The following PLXNA4 variants were observed in gnomAD, a reference collection of about 807,000 sequenced individuals.
PLXNA4 encodes the protein plexin-A4.
A neutral mutation model predicts 191.8 loss-of-function variants in PLXNA4; 44 were observed. The ratio of observed to expected loss-of-function variants is 0.23; its 90% CI spans 0.18 to 0.29. The LOEUF (loss-of-function observed/expected upper bound fraction) is 0.29, where lower values mean the gene tolerates loss of function less well. Among genes scored for constraint, PLXNA4 ranks in the 10% least tolerant of loss-of-function variants. The probability of loss-of-function intolerance (pLI) is 1.00; values close to 1 mark genes in which losing one functional copy is unlikely to be tolerated. For synonymous variants in PLXNA4, 1,082 were observed against 1,009.5 expected, an observed-to-expected ratio of 1.07 and a Z score of -1.36; for missense variants, 1,800 against 2,488.8, an observed-to-expected ratio of 0.72 and a Z score of 5.89.
chr7:132,353,715 T>C (rs1465747562), intron 3 of PLXNA4, among the ~76,000 whole-genome samples: 2 of 152,188 alleles, frequency 1.3e-5, no homozygotes, highest in Non-Finnish European at 2.9e-5. Flanking sequence ...CCAATAAGTC[T>C]ATGAATGACT....
At chr7:132,299,225 T>C (rs1278282060) in intron 3 of PLXNA4, among the ~76,000 whole-genome samples, 1 of 152,184 alleles carries the variant, frequency 6.6e-6, no homozygotes, top group African/African-American at 2.4e-5. Context: ...CATGCACAAC[T>C]GTAAGCTACA....
chr7:132,173,786 T>A (rs188295655), intron 21 of PLXNA4, among the ~76,000 whole-genome samples: 8 of 152,358 alleles, frequency 5.3e-5, no homozygotes, highest in African/African-American at 1.4e-4. Context: ...TAGTTTGCAT[T>A]GTTGCTTTGG....
At chr7:132,438,350 G>C (rs544451379) in intron 3 of PLXNA4, among the ~76,000 whole-genome samples, 8 of 152,290 alleles carry the variant, frequency 5.3e-5, no homozygotes, top group African/African-American at 1.9e-4. Context: ...CTGGCATGTA[G>C]TAAGTGCTCA....
rs1585122918 is a variant in PLXNA4 at position 132,429,306 on chromosome 7, G to A, written c.1371+59986C>T. On this transcript the variant is annotated intron_variant, in intron 3 of 31. Transcript: ENST00000321063. ...ATTCACTGGTCCCACCCACTGGACAGCTGGGAAATTCTACCTTCTTGACCA... is the reference window on the plus strand; with the variant it reads ...ATTCACTGGTCCCACCCACTGGACAACTGGGAAATTCTACCTTCTTGACCA... Among the ~76,000 whole-genome samples, 7 of 152,306 alleles carry A rather than the reference G, an allele frequency of 4.6e-5. 2 individuals carry two copies. The highest frequency in any genetic ancestry group is 4.6e-4 in the Admixed American group (7 of 15,298).
At chr7:132,141,994 T>C (rs1249456178) in intron 29 of PLXNA4, among the ~76,000 whole-genome samples, 1 of 152,124 alleles carries the variant, frequency 6.6e-6, no homozygotes, top group Non-Finnish European at 1.5e-5. Flanking sequence ...CATCCCAAAG[T>C]GTTGAGAATA....
intron 3 of PLXNA4, among the ~76,000 whole-genome samples, chr7:132,453,833 C>T (rs1055564936): frequency 2.0e-5 from 3 of 152,216 alleles, no homozygotes; most frequent in Non-Finnish European, 2.9e-5. Flanking sequence ...AGCCACCGCG[C>T]CCAGCCAATG....
At chr7:132,159,741 G>A (rs1795893233) in intron 24 of PLXNA4, 109 bp from the exon 25 acceptor site, 2 of 1,540,350 alleles carry the variant, frequency 1.3e-6, no homozygotes, top group Admixed American at 1.8e-5. Flanking sequence ...TCCTCTCCAG[G>A]ATGGGCTAGG....
intron 2 of PLXNA4, among the ~76,000 whole-genome samples, chr7:132,493,754 GAT>G (rs1453822671): frequency 5.3e-4 from 5 of 9,432 alleles, no homozygotes; most frequent in Non-Finnish European, 1.8e-3. Context: ...TGGGTGGATG[GAT>G]GGATGGATGG....
At chr7:132,563,212 C>T (rs2116689089) in intron 1 of PLXNA4, among the ~76,000 whole-genome samples, 2 of 111,248 alleles carry the variant, frequency 1.8e-5, no homozygotes, top group African/African-American at 3.4e-5. Context: ...CCTCCTCCTC[C>T]TCCTCCTTCT....
At chr7:132,510,305 G>A (rs1798656175) in intron 1 of PLXNA4, among the ~76,000 whole-genome samples, 1 of 152,354 alleles carries the variant, frequency 6.6e-6, no homozygotes, top group Non-Finnish European at 1.5e-5. Flanking sequence ...ACCAAGAGAA[G>A]AAGGAAGAAA....
At chr7:132,330,883 A>G (rs1397514286) in intron 3 of PLXNA4, among the ~76,000 whole-genome samples, 1 of 134,806 alleles carries the variant, frequency 7.4e-6, no homozygotes, top group Non-Finnish European at 1.6e-5. Flanking sequence ...AACATAATAA[A>G]TATGTTTTTC....
chr7:132,595,267 T>G (rs941205754), intron 2 of PLXNA4, among the ~76,000 whole-genome samples: 2 of 152,102 alleles, frequency 1.3e-5, no homozygotes, highest in African/African-American at 4.8e-5. Flanking sequence ...TATGATGCCC[T>G]TGTTGTCTAT....
rs922966024 is a variant in PLXNA4 at position 132,202,515 on chromosome 7, C to G, written c.2586+131G>C. On this transcript the variant is annotated intron_variant, in intron 12 of 31. Transcript: ENST00000321063. ...AAGAAAAACTAGGGTGCCATCCAGC[C>G]AGGCAGAGCAACCAAGTCCACCCAG... 5 of 972,704 alleles carry G rather than the reference C, an allele frequency of 5.1e-6. No individual in the cohort carries two copies. The African/African-American group carries it at 6.7e-5, about 13-fold the overall frequency. 60.3% of individuals were successfully genotyped at this position (972,704 alleles called of 1,614,324 possible).
intron 24 of PLXNA4, among the ~76,000 whole-genome samples, chr7:132,161,740 C>T (rs547463067): frequency 7.7e-4 from 117 of 152,240 alleles, no homozygotes; most frequent in African/African-American, 2.7e-3. Context: ...TGGCAGGCTC[C>T]CGGGCGGGCA....
chr7:132,410,238 C>A (rs1370940398), intron 3 of PLXNA4, among the ~76,000 whole-genome samples: 1 of 147,728 alleles, frequency 6.8e-6, no homozygotes, highest in East Asian at 2.1e-4. Context: ...ATTCACAGTT[C>A]CTCTTTACAG....
intron 2 of PLXNA4, among the ~76,000 whole-genome samples, chr7:132,628,632 A>AT (rs2116875825): frequency 6.9e-6 from 1 of 145,402 alleles, no homozygotes; most frequent in Non-Finnish European, 1.5e-5. Context: ...GATTTTCTTT[A>AT]TTTTTCTCTT....
At chr7:132,431,489 T>C (rs1795260128) in intron 3 of PLXNA4, among the ~76,000 whole-genome samples, 1 of 152,006 alleles carries the variant, frequency 6.6e-6, no homozygotes, top group South Asian at 2.1e-4. Flanking sequence ...AACAGAAAAC[T>C]CATAGCCCCA....
chr7:132,143,599 G>A (rs1220017150), intron 29 of PLXNA4, among the ~76,000 whole-genome samples: 1 of 152,166 alleles, frequency 6.6e-6, no homozygotes, highest in African/African-American at 2.4e-5. Context: ...GCAGTAAGTA[G>A]GAAGACTCAC....
intron 3 of PLXNA4, among the ~76,000 whole-genome samples, chr7:132,370,391 C>T (rs1473633188): frequency 6.6e-6 from 1 of 152,228 alleles, no homozygotes; most frequent in East Asian, 1.9e-4. Flanking sequence ...ACCATGGTTT[C>T]TTGACTTGGA....
Sources: gnomAD v4.1 joint callset for allele counts (sites outside exome capture counted in the v4.1 genomes callset) on GRCh38, gnomAD v4.1.1 for gene constraint, MANE v1.5 for transcripts, NCBI Gene and HGNC (gene_info 2026-07-23, HGNC 2026-07-21) for gene names.